CNGB1: variants seen among roughly 807,000 people sequenced by gnomAD.
The protein encoded by CNGB1 is cyclic nucleotide-gated channel beta-1.
A neutral mutation model predicts 151.7 loss-of-function variants in CNGB1; 126 were observed. The observed-to-expected ratio is 0.83, with a 90% CI of 0.72 to 0.96. The LOEUF is 0.96. Among genes scored for constraint, CNGB1 ranks in the 40% least tolerant of loss-of-function variants. The pLI is 0.00. For missense variants in CNGB1, 1,698 were observed against 1,627.0 expected (o/e 1.04, Z -0.75); for synonymous variants, 623 against 635.1 (o/e 0.98, Z 0.29).
intron 14 of CNGB1, among the ~76,000 whole-genome samples, chr16:57,944,951 T>TAAAAA (rs367717137): frequency 1.9e-5 from 2 of 104,352 alleles, no homozygotes; most frequent in African/African-American, 7.9e-5. Flanking sequence ...ACTCTGTCTT[T>TAAAAA]AAAAAAAAAA....
chr16:57,902,615 A>G (rs1175719247), intron 27 of CNGB1, among the ~76,000 whole-genome samples: 4 of 150,186 alleles, frequency 2.7e-5, no homozygotes, highest in Admixed American at 6.6e-5. Context: ...ACTTATTTTT[A>G]CTTTTCTGAG....
In CNGB1 at chr16:57,897,605, C is replaced by T. The variant is rs28483578; in HGVS notation, c.3096-62G>A. On this transcript the variant is annotated intron_variant, in intron 30 of 32. Transcript: ENST00000251102. Reference sequence around the variant, plus strand: ...ACTGCCGTTTCGGTCACATTCAGATCTTCATTTCCCATGTGTGGAGGACAG... The same window carrying T: ...ACTGCCGTTTCGGTCACATTCAGATTTTCATTTCCCATGTGTGGAGGACAG... 4.5e-5 allele frequency: 73 copies of T among 1,610,750 alleles called. 1 individual carries two copies. In the South Asian group the frequency reaches 7.9e-4, roughly 17 times the overall value.
chr16:57,916,697 G>A (rs973033122), intron 21 of CNGB1, among the ~76,000 whole-genome samples: 2 of 152,172 alleles, frequency 1.3e-5, no homozygotes, highest in African/African-American at 4.8e-5. Flanking sequence ...AGAAGTCACA[G>A]TCAGGGCCTC....
At chr16:57,939,972 C>T (rs1961621096) in intron 15 of CNGB1, among the ~76,000 whole-genome samples, 1 of 152,214 alleles carries the variant, frequency 6.6e-6, no homozygotes, top group Non-Finnish European at 1.5e-5. Flanking sequence ...CACTGGGACC[C>T]AGAGTGGGGA....
chr16:57,936,893 G>A (rs1392126486), intron 16 of CNGB1, among the ~76,000 whole-genome samples: 2 of 152,186 alleles, frequency 1.3e-5, no homozygotes, highest in East Asian at 3.8e-4. Context: ...TAGGCAGGAA[G>A]AGAAGGGGGC....
rs1432448949 is a variant in CNGB1 at position 57,888,024 on chromosome 16, A to G, written c.3293T>C (p.Ile1098Thr). ...TGGGGTGCCCGCCCGGGGTGGAAGG[A>G]TCAGCACGCTCTTCTCCTCCTTGGG... ...NKPKEEKSVL[I>T]LPPRAGTPKL... Residue 1098 changes from isoleucine to threonine, a missense_variant, in exon 32 of 33, where the codon ATC becomes ACC. By Grantham distance (89) the Ile-to-Thr change is moderately conservative. Coordinates refer to ENST00000251102, the MANE Select transcript of CNGB1 (RefSeq NM_001297.5). 1.2e-6 allele frequency: 2 copies of G among 1,614,052 alleles called. No homozygotes were observed. Among genetic ancestry groups the G allele is most frequent in the African/African-American group, 2.7e-5 (2 of 74,934 alleles).
chr16:57,884,080 A>G lies in CNGB1; in HGVS notation c.*84T>C, dbSNP rs1959830624. 2 of 1,585,142 alleles carry G rather than the reference A, an allele frequency of 1.3e-6. No homozygotes were observed. Among genetic ancestry groups the G allele is most frequent in the Non-Finnish European group, 1.7e-6 (2 of 1,154,296 alleles). The stretch of plus-strand genomic sequence containing the variant: ...GCATCTTCTCTTGAGCCGTGGGGGA[A>G]GGTGGGGCGCTGGGGCGCAGGGGCG... On this transcript the variant is annotated 3_prime_UTR_variant, in exon 33 of 33. Coordinates refer to ENST00000251102, the MANE Select transcript of CNGB1 (RefSeq NM_001297.5).
Position 57,967,238 on chromosome 16 carries a change from G to A in CNGB1, c.49C>T (p.Arg17Trp), listed in dbSNP as rs200694933. Residue 17 changes from arginine to tryptophan, a missense_variant, in exon 2 of 33, where the codon CGG (arginine) becomes TGG (tryptophan). Transcript: ENST00000251102. Reference sequence around the variant, plus strand: ...TCTTCCTCCTGCATCTTGGTCTTCCGAGGGGTCCCTGGGGGCTGAGGCAGC... The same window carrying A: ...TCTTCCTCCTGCATCTTGGTCTTCCAAGGGGTCCCTGGGGGCTGAGGCAGC... ...RVLPQPPGTP[R>W]KTKMQEEEEV... The A allele has an allele frequency of 1.2e-4, 193 of 1,614,056 alleles. 1 individual carries two copies. Among genetic ancestry groups the A allele is most frequent in the African/African-American group, 7.5e-4 (56 of 74,986 alleles).
Position 57,963,013 on chromosome 16 carries a change from G to T in CNGB1, c.342C>A (p.Ile114=). The T allele has an allele frequency of 6.2e-7, 1 of 1,613,482 alleles. No individual in the cohort carries two copies. The highest frequency in any genetic ancestry group is 8.5e-7 in the Non-Finnish European group (1 of 1,179,984). The change falls in exon 5 of 33, where the codon ATC becomes ATA. Residue 114 remains isoleucine, a synonymous_variant. Transcript: ENST00000251102. ...TWLMKGVEKV[I]PQPVHSITED... ...CCGTGATGCTGTGAACAGGCTGCGG[G>T]ATCACCTTCTCTACGCCCTTCATGA...
Position 57,923,265 on chromosome 16 carries a change from G to A in CNGB1, c.1643+8C>T, listed in dbSNP as rs1435310484. The A allele has an allele frequency of 6.2e-7, 1 of 1,602,494 alleles. No homozygotes were observed. Among genetic ancestry groups the A allele is most frequent in the African/African-American group, 1.3e-5 (1 of 74,818 alleles). The stretch of plus-strand genomic sequence containing the variant: ...TTTCAATTTTCTGAGACCCCAGAGG[G>A]GTCTCACTCAGTGTCCTTCGGGGTG... On this transcript the variant is annotated splice_region_variant and intron_variant, in intron 18 of 32. Transcript: ENST00000251102.
intron 25 of CNGB1, among the ~76,000 whole-genome samples, chr16:57,906,496 G>A (rs993936326): frequency 2.0e-5 from 3 of 152,200 alleles, no homozygotes; most frequent in Non-Finnish European, 4.4e-5. Flanking sequence ...TGTGGTAGGG[G>A]CTCTGCCTCT....
chr16:57,939,690 C>T, intron 15 of CNGB1, 98 bp from the exon 16 acceptor site: 3 of 1,517,450 alleles, frequency 2.0e-6, no homozygotes, highest in Non-Finnish European at 2.7e-6. Context: ...TCCACATGGG[C>T]CCAGTTCTGC....
chr16:57,915,414 T>G, intron 22 of CNGB1, 79 bp from the exon 23 acceptor site: 1 of 1,117,150 alleles, frequency 9.0e-7, no homozygotes, highest in South Asian at 1.3e-5. Flanking sequence ...AGGCGGAGTC[T>G]CTCCCTTCCA....
intron 18 of CNGB1, among the ~76,000 whole-genome samples, chr16:57,922,734 C>A (rs1961075969): frequency 6.6e-6 from 1 of 152,170 alleles, no homozygotes; most frequent in Non-Finnish European, 1.5e-5. Context: ...TGGCCGTCAT[C>A]ATAGTGGTTT....
intron 16 of CNGB1, among the ~76,000 whole-genome samples, chr16:57,934,031 G>GT (rs1443687117): frequency 6.6e-6 from 1 of 152,078 alleles, no homozygotes; most frequent in Non-Finnish European, 1.5e-5. Context: ...CCGATATGGG[G>GT]TTTTTTTCAA....
At chr16:57,963,209 T>C (rs1353667299) in intron 4 of CNGB1, 145 bp from the exon 5 acceptor site, 3 of 774,612 alleles carry the variant, frequency 3.9e-6, no homozygotes, top group Non-Finnish European at 6.9e-6. Flanking sequence ...AGTACCTACA[T>C]GTACCACTGG....
chr16:57,964,467 G>A lies in CNGB1; in HGVS notation c.217+20C>T, dbSNP rs753948720. 6.2e-7 allele frequency: 1 copy of A among 1,613,716 alleles called. No homozygotes were observed. The highest frequency in any genetic ancestry group is 1.7e-5 in the Admixed American group (1 of 60,024). ...GGGCCCCCCTGCCATGCCAGCCTGG[G>A]CTTCAGCACTCGCACTCACCCTGAG... is the stretch of plus-strand genomic sequence containing the variant. On this transcript the variant is annotated intron_variant, in intron 3 of 32. Coordinates refer to ENST00000251102, the MANE Select transcript of CNGB1 (RefSeq NM_001297.5).
chr16:57,885,879 C>T (rs1223577148), intron 32 of CNGB1, among the ~76,000 whole-genome samples: 2 of 152,130 alleles, frequency 1.3e-5, no homozygotes, highest in Non-Finnish European at 2.9e-5. Context: ...CAGGGGTGAG[C>T]CACCTGTGCC....
chr16:57,928,984 C>T (rs1826284939), intron 17 of CNGB1, among the ~76,000 whole-genome samples: 1 of 152,126 alleles, frequency 6.6e-6, no homozygotes, highest in South Asian at 2.1e-4. Flanking sequence ...ACACTGAAAG[C>T]ACAGGTAACA....
Sources: allele counts gnomAD v4.1 joint callset (sites outside exome capture counted in the v4.1 genomes callset), GRCh38; gene constraint gnomAD v4.1.1; transcripts MANE v1.5; gene names NCBI Gene and HGNC (gene_info 2026-07-23, HGNC 2026-07-21).